Variants in SRSF6 observed in about 807,000 individuals in gnomAD.
SRSF6 encodes serine/arginine-rich splicing factor 6.
SRSF6 carries 17 observed loss-of-function variants against 42.0 expected under a neutral mutation model. The observed-to-expected ratio is 0.40, with a 90% confidence interval of 0.28 to 0.61. The LOEUF is 0.61. Among genes scored for constraint, SRSF6 ranks in the 20% least tolerant of loss-of-function variants. The pLI is 0.37. For missense variants in SRSF6, 379 were observed against 471.4 expected (o/e 0.80, Z 1.81); for synonymous variants, 204 against 166.7 (o/e 1.22, Z -1.72).
Position 43,460,146 on chromosome 20 carries a change from A to G in SRSF6, c.495A>G (p.Lys165=). 1.9e-6 allele frequency: 3 copies of G among 1,614,232 alleles called. No homozygotes were observed. The highest frequency in any genetic ancestry group is 1.3e-5 in the African/African-American group (1 of 75,050). ...SYSDMKRALD[K]LDGTEINGRN... is the part of the protein sequence containing the mutation. The stretch of plus-strand genomic sequence containing the variant: ...CTGACATGAAGCGTGCTTTGGACAA[A>G]CTGGATGGCACAGAAATAAATGGCA... Residue 165 remains lysine (K), a synonymous_variant, in exon 4 of 6, where the codon AAA becomes AAG. Coordinates refer to ENST00000244020, the MANE Select transcript of SRSF6 (RefSeq NM_006275.6).
rs200414612 is a variant in SRSF6 at position 43,458,327 on chromosome 20, C to G, written c.108-34C>G. ...ACGTGCGCGTCCTGGCTAACGACTC[C>G]CCCGCGGTTGTCCGGCCCTCGCACC... On this transcript the variant is annotated intron_variant, in intron 1 of 5. Coordinates refer to ENST00000244020, the MANE Select transcript of SRSF6 (RefSeq NM_006275.6). 4 of 1,507,952 alleles carry G rather than the reference C, an allele frequency of 2.7e-6. No individual in the cohort carries two copies. In the African/African-American group the frequency reaches 4.4e-5, roughly 17 times the overall value. 93.4% of individuals were successfully genotyped at this position (1,507,952 alleles called of 1,614,324 possible). A position where few individuals can be genotyped will look rare whatever the true frequency, so the allele number is the denominator to read the frequency against.
chr20:43,458,273 G>C, intron 1 of SRSF6, 88 bp from the exon 2 acceptor site: 2 of 1,398,796 alleles, frequency 1.4e-6, no homozygotes, highest in South Asian at 1.6e-5. Flanking sequence ...CGGCGTCGCG[G>C]GGGCGCGCGG....
chr20:43,461,084 C>T lies in SRSF6; in HGVS notation c.*21C>T, dbSNP rs1414938244. The T allele has an allele frequency of 3.9e-6, 6 of 1,536,140 alleles. No individual in the cohort carries two copies. In the Admixed American group the frequency reaches 6.4e-5, roughly 16 times the overall value. ...ATTAACTCAGAACTCCTTGTTTGCA[C>T]ATTATTATGGAACACTTTCCTACTT... On this transcript the variant is annotated 3_prime_UTR_variant, in exon 6 of 6. Coordinates refer to ENST00000244020, the MANE Select transcript of SRSF6 (RefSeq NM_006275.6).
At chr20:43,460,391 G>C (rs2017564633) in intron 4 of SRSF6, 124 bp from the exon 5 acceptor site, 1 of 1,234,770 alleles carries the variant, frequency 8.1e-7, no homozygotes, top group Admixed American at 2.1e-5. Context: ...TGGATGTTTT[G>C]AACAGTGTAT....
intron 4 of SRSF6, 95 bp from the exon 5 acceptor site, chr20:43,460,420 A>G: frequency 6.9e-7 from 1 of 1,456,228 alleles, no homozygotes; most frequent in Non-Finnish European, 9.5e-7. Flanking sequence ...GTAGTAAAGA[A>G]AAACATTATT....
rs2017595587 is a variant in SRSF6 at position 43,461,369 on chromosome 20, T to TTTG, written c.*308_*309insGTT. 1 of 185,570 alleles carries TTTG rather than the reference T, an allele frequency of 5.4e-6. No homozygotes were observed. The highest frequency in any genetic ancestry group is 2.8e-5 in the African/African-American group (1 of 35,564). 11.5% of individuals were successfully genotyped at this position (185,570 alleles called of 1,614,324 possible). A position where few individuals can be genotyped will look rare whatever the true frequency, so the allele number is the denominator to read the frequency against. Reference sequence around the variant, plus strand: ...TTTTTTTTTTTTTTTTTTTTTTTTTTTTTTTAGTATTTCAGCAGGATCTGC... The same window carrying TTTG: ...TTTTTTTTTTTTTTTTTTTTTTTTTTTTGTTTTTAGTATTTCAGCAGGATCTGC... On this transcript the variant is annotated 3_prime_UTR_variant, in exon 6 of 6. Transcript: ENST00000244020.
intron 4 of SRSF6, 124 bp from the exon 5 acceptor site, chr20:43,460,391 G>GAACAGTGTATTTAATTACACTGTTTAAA: frequency 1.6e-6 from 2 of 1,234,876 alleles, no homozygotes; most frequent in Non-Finnish European, 2.3e-6. Context: ...TGGATGTTTT[G>GAACAGTGTATTTAATTACACTGTTTAAA]AACAGTGTAT....
At chr20:43,459,332 G>T in intron 2 of SRSF6, 1 of 1,352,052 alleles carries the variant, frequency 7.4e-7, no homozygotes, top group African/African-American at 1.5e-5. Context: ...GGATTCCAAG[G>T]GTTAGACAAA....
At chr20:43,458,238 C>A in intron 1 of SRSF6, 98 bp downstream of exon 1, 2 of 1,443,838 alleles carry the variant, frequency 1.4e-6, no homozygotes, top group South Asian at 2.7e-5. Context: ...CGCCGCGTGG[C>A]AGGGCCTCAA....
Position 43,460,049 on chromosome 20 carries a change from C to T in SRSF6, c.398C>T (p.Ala133Val). ...WQDLKDFMRQAGEVTYADAHK... is the reference protein window; with the variant it reads ...WQDLKDFMRQVGEVTYADAHK... ...GTCTTTCAGGATTTTATGCGACAAGCAGGTGAAGTAACCTATGCGGATGCC... is the reference window on the plus strand; with the variant it reads ...GTCTTTCAGGATTTTATGCGACAAGTAGGTGAAGTAACCTATGCGGATGCC... The change falls in exon 4 of 6, where the codon GCA becomes GTA. Residue 133 changes from alanine to valine, a missense_variant. Coordinates refer to ENST00000244020, the MANE Select transcript of SRSF6 (RefSeq NM_006275.6). 6 of 1,614,212 alleles carry T rather than the reference C, an allele frequency of 3.7e-6. No homozygotes were observed. Among genetic ancestry groups the T allele is most frequent in the Non-Finnish European group, 5.1e-6 (6 of 1,180,040 alleles).
chr20:43,461,345 T>TTG lies in SRSF6; in HGVS notation c.*283_*284insGT, dbSNP rs1568901736. On this transcript the variant is annotated 3_prime_UTR_variant, in exon 6 of 6. Coordinates refer to ENST00000244020, the MANE Select transcript of SRSF6 (RefSeq NM_006275.6). ...TAAGCTCATTTAGTGTTGTTTTTTT[T>TTG]TTTTTTTTTTTTTTTTTTTTTTTTT... The TTG allele has an allele frequency of 1.7e-4, 7 of 41,066 alleles. No homozygotes were observed. In the South Asian group the frequency reaches 2.3e-3, roughly 14 times the overall value. 2.5% of individuals were successfully genotyped at this position (41,066 alleles called of 1,614,324 possible). A position where few individuals can be genotyped will look rare whatever the true frequency, so the allele number is the denominator to read the frequency against.
rs1196378267 is a variant in SRSF6, at chr20:43,461,334, G to GTTTTTTTTTT, written c.*273_*274insTTTTTTTTTT. Reference sequence around the variant, plus strand: ...TTTGTAAAGATTAAGCTCATTTAGTGTTGTTTTTTTTTTTTTTTTTTTTTT... The same window carrying GTTTTTTTTTT: ...TTTGTAAAGATTAAGCTCATTTAGTGTTTTTTTTTTTTGTTTTTTTTTTTTTTTTTTTTTT... On this transcript the variant is annotated 3_prime_UTR_variant, in exon 6 of 6. Transcript: ENST00000244020. 6.7e-4 allele frequency: 38 copies of GTTTTTTTTTT among 56,460 alleles called. 2 individuals carry two copies. The highest frequency in any genetic ancestry group is 2.7e-3 in the African/African-American group (36 of 13,562). 3.5% of individuals were successfully genotyped at this position (56,460 alleles called of 1,614,324 possible). A position where few individuals can be genotyped will look rare whatever the true frequency, so the allele number is the denominator to read the frequency against.
rs2017589818 is a variant in SRSF6 at position 43,461,337 on chromosome 20, G to GTTTTTTTGT, written c.*281_*282insGTTTTTTTT. On this transcript the variant is annotated 3_prime_UTR_variant, in exon 6 of 6. Coordinates refer to ENST00000244020, the MANE Select transcript of SRSF6 (RefSeq NM_006275.6). ...GTAAAGATTAAGCTCATTTAGTGTTGTTTTTTTTTTTTTTTTTTTTTTTTT... is the reference window on the plus strand; with the variant it reads ...GTAAAGATTAAGCTCATTTAGTGTTGTTTTTTTGTTTTTTTTTTTTTTTTTTTTTTTTTT... The GTTTTTTTGT allele has an allele frequency of 6.8e-5, 3 of 43,828 alleles. No homozygotes were observed. The highest frequency in any genetic ancestry group is 1.6e-4 in the African/African-American group (2 of 12,240). The allele number at this position is 43,828 out of a possible 1,614,324, so 2.7% of individuals were successfully genotyped here. A position where few individuals can be genotyped will look rare whatever the true frequency, so the allele number is the denominator to read the frequency against.
rs1443089919 is a variant in SRSF6 at position 43,463,419 on chromosome 20, G to C, written c.*2356G>C. 1.3e-5 allele frequency: 2 copies of C among 154,754 alleles called. No individual in the cohort carries two copies. The highest frequency in any genetic ancestry group is 4.8e-5 in the African/African-American group (2 of 41,532). The allele number at this position is 154,754 out of a possible 1,614,324, so 9.6% of individuals were successfully genotyped here. ...AGTATTAAGGTGGAGCAGAAAAGAAGTGAGAACATCTTGATTCCCCTTTCT... is the reference window on the plus strand; with the variant it reads ...AGTATTAAGGTGGAGCAGAAAAGAACTGAGAACATCTTGATTCCCCTTTCT... On this transcript the variant is annotated 3_prime_UTR_variant, in exon 6 of 6. Coordinates refer to ENST00000244020, the MANE Select transcript of SRSF6 (RefSeq NM_006275.6).
In SRSF6 at chr20:43,461,342, T is replaced by TG. The variant is rs2017592038; in HGVS notation, c.*279_*280insG. ...GATTAAGCTCATTTAGTGTTGTTTT[T>TG]TTTTTTTTTTTTTTTTTTTTTTTTT... On this transcript the variant is annotated 3_prime_UTR_variant, in exon 6 of 6. Transcript: ENST00000244020. The TG allele has an allele frequency of 9.9e-5, 2 of 20,182 alleles. No homozygotes were observed. Among genetic ancestry groups the TG allele is most frequent in the Non-Finnish European group, 1.3e-4 (1 of 7,608 alleles). The allele number at this position is 20,182 out of a possible 1,614,324, so 1.3% of individuals were successfully genotyped here.
At chr20:43,459,991 G>T (rs1192329897) in intron 3 of SRSF6, 42 bp from the exon 4 acceptor site, 5 of 1,612,830 alleles carry the variant, frequency 3.1e-6, no homozygotes, top group Non-Finnish European at 4.2e-6. Context: ...ATGGTATATA[G>T]ATGTTTTAAG....
rs1198247165 is a variant in SRSF6, at chr20:43,458,038, C to T, written c.5C>T (p.Pro2Leu). 6.2e-7 allele frequency: 1 copy of T among 1,611,766 alleles called. No homozygotes were observed. Among genetic ancestry groups the T allele is most frequent in the Non-Finnish European group, 8.5e-7 (1 of 1,179,106 alleles). The part of the protein sequence containing the change: M[P>L]RVYIGRLSYN... Reference sequence around the variant, plus strand: ...GGGTCCCCGCCCGCCACGGACATGCCGCGCGTCTACATAGGACGCCTGAGC... The same window carrying T: ...GGGTCCCCGCCCGCCACGGACATGCTGCGCGTCTACATAGGACGCCTGAGC... Residue 2 changes from proline to leucine, a missense_variant, in exon 1 of 6, where the codon CCG becomes CTG. Transcript: ENST00000244020.
At position 43,463,652 on chromosome 20, in the gene SRSF6, TAAC is replaced by T. The variant is rs1306851700; in HGVS notation, c.*2592_*2594del. On this transcript the variant is annotated 3_prime_UTR_variant, in exon 6 of 6. Transcript: ENST00000244020. The stretch of plus-strand genomic sequence containing the variant: ...ATATGCCCACTTAGGACCAGATTCT[TAAC>T]AAATGTTTTTTTGAATTGGAGTTTG... The T allele has an allele frequency of 1.3e-5, 2 of 152,698 alleles. No homozygotes were observed. The highest frequency in any genetic ancestry group is 4.8e-5 in the African/African-American group (2 of 41,476). The allele number at this position is 152,698 out of a possible 1,614,324, so 9.5% of individuals were successfully genotyped here. A position where few individuals can be genotyped will look rare whatever the true frequency, so the allele number is the denominator to read the frequency against.
Position 43,463,775 on chromosome 20 carries a change from T to C in SRSF6, c.*2712T>C, listed in dbSNP as rs1031350436. The C allele has an allele frequency of 2.0e-5, 3 of 152,230 alleles. No individual in the cohort carries two copies. Among genetic ancestry groups the C allele is most frequent in the Non-Finnish European group, 4.4e-5 (3 of 68,046 alleles). 9.4% of individuals were successfully genotyped at this position (152,230 alleles called of 1,614,324 possible). On this transcript the variant is annotated 3_prime_UTR_variant, in exon 6 of 6. Coordinates refer to ENST00000244020, the MANE Select transcript of SRSF6 (RefSeq NM_006275.6). ...TTGGGATTTAGTATATGGTTTATGT[T>C]GGGCAACTCATTAATCACTGTGCTT...
Sources: allele counts gnomAD v4.1 joint callset, GRCh38; gene constraint gnomAD v4.1.1; transcripts MANE v1.5; gene names NCBI Gene and HGNC (gene_info 2026-07-23, HGNC 2026-07-21).